NOX3: variants seen among roughly 807,000 people sequenced by gnomAD.
NOX3 encodes the protein NADPH oxidase catalytic subunit-like 3.
A neutral mutation model predicts 76.7 loss-of-function variants in NOX3; 74 were observed. The ratio of observed to expected loss-of-function variants is 0.96; its 90% CI spans 0.80 to 1.17. The LOEUF (loss-of-function observed/expected upper bound fraction) is 1.17. Ranked by LOEUF, NOX3 falls within the 50% of genes most tolerant of loss-of-function variation. The pLI is 0.00. For missense variants in NOX3, 695 were observed against 703.3 expected, an observed-to-expected ratio of 0.99 and a Z score of 0.13; for synonymous variants, 263 against 261.1, an observed-to-expected ratio of 1.01 and a Z score of -0.07.
intron 10 of NOX3, among the ~76,000 whole-genome samples, chr6:155,415,446 C>A (rs751164224): frequency 6.6e-6 from 1 of 152,044 alleles, no homozygotes; most frequent in Non-Finnish European, 1.5e-5. Context: ...GTCTTTATAT[C>A]CAAAATAAAT....
intron 10 of NOX3, among the ~76,000 whole-genome samples, chr6:155,413,495 G>T (rs2114682641): frequency 6.6e-6 from 1 of 152,094 alleles, no homozygotes; most frequent in Non-Finnish European, 1.5e-5. Flanking sequence ...GCTGTATTGA[G>T]AATAGACCCA....
At chr6:155,405,895 A>G (rs1776451701) in intron 12 of NOX3, among the ~76,000 whole-genome samples, 2 of 152,134 alleles carry the variant, frequency 1.3e-5, no homozygotes, top group African/African-American at 2.4e-5. Context: ...CAAACCTGTA[A>G]GTGCCTTCCC....
intron 5 of NOX3, 36 bp from the exon 6 acceptor site, chr6:155,440,173 C>CAA (rs373137972): frequency 3.6e-6 from 5 of 1,400,782 alleles, no homozygotes; most frequent in South Asian, 1.5e-5. Flanking sequence ...AAGAAACAAA[C>CAA]AAAAAAAAAC....
chr6:155,396,971 G>A lies in NOX3; in HGVS notation c.1581-9C>T. The stretch of plus-strand genomic sequence containing the variant: ...ACACGCCAATACTGCTGCTGCAGTA[G>A]GGGTAAGAAAAGGAAATAAAATGTC... On this transcript the variant is annotated splice_polypyrimidine_tract_variant and intron_variant, in intron 12 of 13. Transcript: ENST00000159060. 4 of 1,600,072 alleles carry A rather than the reference G, an allele frequency of 2.5e-6. No individual in the cohort carries two copies. Among genetic ancestry groups the A allele is most frequent in the Non-Finnish European group, 3.4e-6 (4 of 1,174,104 alleles).
chr6:155,422,544 G>T, intron 10 of NOX3, 150 bp downstream of exon 10: 1 of 688,624 alleles, frequency 1.5e-6, no homozygotes, highest in Non-Finnish European at 2.4e-6. Context: ...AATACTGAGT[G>T]GAGATTTTTA....
intron 12 of NOX3, among the ~76,000 whole-genome samples, chr6:155,406,764 C>A (rs1776466935): frequency 6.6e-6 from 1 of 152,212 alleles, no homozygotes; most frequent in African/African-American, 2.4e-5. Context: ...CTAACATTTT[C>A]TCTCTGCTTT....
chr6:155,397,321 T>G (rs755798023), intron 12 of NOX3, among the ~76,000 whole-genome samples: 2 of 152,094 alleles, frequency 1.3e-5, no homozygotes, highest in Non-Finnish European at 2.9e-5. Context: ...CTAAAATGAT[T>G]ACTATTTGGC....
chr6:155,425,466 A>G (rs1776744621), intron 9 of NOX3, among the ~76,000 whole-genome samples: 1 of 151,920 alleles, frequency 6.6e-6, no homozygotes, highest in South Asian at 2.1e-4. Context: ...GCAGCACCCC[A>G]CCCTACCCCA....
Position 155,410,296 on chromosome 6 carries a change from A to AGTGTGTGTGT in NOX3, c.1455+908_1455+917dup, listed in dbSNP as rs142349696. Among the ~76,000 whole-genome samples, 985 of 149,452 alleles carry AGTGTGTGTGT rather than the reference A, an allele frequency of 6.6e-3. 15 individuals are homozygous for AGTGTGTGTGT. The highest frequency in any genetic ancestry group is 0.021 in the African/African-American group (856 of 40,874). The stretch of plus-strand genomic sequence containing the variant: ...AATTACAGTGATGTTCTATAAGGCC[A>AGTGTGTGTGT]GTGTGTGTGTGTGTGTGTGTGTGCG... On this transcript the variant is annotated intron_variant, in intron 11 of 13. Coordinates refer to ENST00000159060, the MANE Select transcript of NOX3 (RefSeq NM_015718.3).
chr6:155,439,371 A>G (rs750601920), intron 6 of NOX3, among the ~76,000 whole-genome samples: 25 of 152,216 alleles, frequency 1.6e-4, no homozygotes, highest in Non-Finnish European at 2.6e-4. Context: ...GAGATGAACC[A>G]TATCAGGCAG....
chr6:155,432,240 A>G (rs909505626), intron 7 of NOX3, among the ~76,000 whole-genome samples: 3 of 152,112 alleles, frequency 2.0e-5, no homozygotes, highest in Non-Finnish European at 4.4e-5. Context: ...TTCTTTTAGA[A>G]TTAAAAGAAG....
At chr6:155,452,233 G>A (rs1468019456) in intron 4 of NOX3, among the ~76,000 whole-genome samples, 4 of 152,144 alleles carry the variant, frequency 2.6e-5, no homozygotes, top group African/African-American at 9.7e-5. Flanking sequence ...TTTTCAAGGT[G>A]CGGAAAAGAT....
intron 12 of NOX3, among the ~76,000 whole-genome samples, chr6:155,400,603 C>CT (rs938943758): frequency 4.7e-5 from 7 of 149,478 alleles, no homozygotes; most frequent in Admixed American, 1.3e-4. Flanking sequence ...ACAACACCTT[C>CT]TTTTTTCAGA....
intron 13 of NOX3, among the ~76,000 whole-genome samples, chr6:155,396,040 C>T (rs1314764939): frequency 6.6e-6 from 1 of 152,156 alleles, no homozygotes. Context: ...CAATACTAGT[C>T]ACGCTTCTCA....
chr6:155,421,108 T>C (rs1289008672), intron 10 of NOX3, among the ~76,000 whole-genome samples: 4 of 152,180 alleles, frequency 2.6e-5, no homozygotes. Flanking sequence ...AATCCCACCG[T>C]CTTCCTAAAA....
chr6:155,423,201 C>G (rs1439290673), intron 9 of NOX3, among the ~76,000 whole-genome samples: 1 of 152,180 alleles, frequency 6.6e-6, no homozygotes, highest in African/African-American at 2.4e-5. Flanking sequence ...GCTGGAAGAG[C>G]TATTTCCCTT....
At chr6:155,454,151 C>T (rs1442831203) in intron 3 of NOX3, among the ~76,000 whole-genome samples, 1 of 152,090 alleles carries the variant, frequency 6.6e-6, no homozygotes, top group Non-Finnish European at 1.5e-5. Flanking sequence ...AAAAATGGCG[C>T]TAGTATACTT....
intron 12 of NOX3, among the ~76,000 whole-genome samples, chr6:155,399,652 C>G (rs1279789146): frequency 1.3e-5 from 2 of 152,034 alleles, no homozygotes; most frequent in African/African-American, 4.8e-5. Flanking sequence ...TGGAGAACTT[C>G]TTGTCACAAA....
rs561280756 is a variant in NOX3 at position 155,412,679 on chromosome 6, C to T, written c.1309-1319G>A. ...TTCCTAGGGATGATCTCTGCACAGC[C>T]TCTCCAGGCAGAGCTAAGCCGGGGT... is the stretch of plus-strand genomic sequence containing the variant. On this transcript the variant is annotated intron_variant, in intron 10 of 13. Coordinates refer to ENST00000159060, the MANE Select transcript of NOX3 (RefSeq NM_015718.3). 2.1e-3 allele frequency among the ~76,000 whole-genome samples: 326 copies of T among 152,296 alleles called. 3 individuals are homozygous for T. The highest frequency in any genetic ancestry group is 0.018 in the South Asian group (86 of 4,828).
Sources: gnomAD v4.1 joint callset for allele counts (sites outside exome capture counted in the v4.1 genomes callset) on GRCh38, gnomAD v4.1.1 for gene constraint, MANE v1.5 for transcripts, NCBI Gene and HGNC (gene_info 2026-07-23, HGNC 2026-07-21) for gene names.